The following LPIN2 variants were observed in gnomAD, a reference collection of about 807,000 sequenced individuals.
LPIN2 encodes the protein phosphatidate phosphatase LPIN2.
In LPIN2, 55 loss-of-function variants were observed where a neutral mutation model predicts 111.4. The observed-to-expected ratio is 0.49, with a 90% CI of 0.40 to 0.62. The LOEUF (loss-of-function observed/expected upper bound fraction) is 0.62. Ranked by LOEUF, LPIN2 falls within the 20% of genes least tolerant of loss-of-function variation. The probability of loss-of-function intolerance (pLI) is 0.00; values close to 1 mark genes in which losing one functional copy is unlikely to be tolerated. For synonymous variants in LPIN2, 425 were observed against 414.0 expected, an observed-to-expected ratio of 1.03 and a Z score of -0.32; for missense variants, 992 against 1,112.1, an observed-to-expected ratio of 0.89 and a Z score of 1.54.
chr18:2,976,816 GAC>G (rs1567848836), intron 1 of LPIN2, among the ~76,000 whole-genome samples: 2 of 152,182 alleles, frequency 1.3e-5, no homozygotes, highest in Non-Finnish European at 2.9e-5. Context: ...CCATGGAACA[GAC>G]TGTTCATTAA....
At chr18:2,982,362 T>C (rs1431741958) in intron 1 of LPIN2, among the ~76,000 whole-genome samples, 1 of 152,154 alleles carries the variant, frequency 6.6e-6, no homozygotes. Context: ...TTTTGAAACA[T>C]AATTTTTAAA....
rs116043227 is a variant in LPIN2 at position 2,942,478 on chromosome 18, A to T, written c.591-1766T>A. On this transcript the variant is annotated intron_variant, in intron 4 of 19. Coordinates refer to ENST00000677752, the MANE Select transcript of LPIN2 (RefSeq NM_001375808.2). ...AAAAGTCACACAAATTTCTAACCGG[A>T]ATTTTTATATTACAAATATTTTACT... Among the ~76,000 whole-genome samples, 1,190 of 152,334 alleles carry T rather than the reference A, an allele frequency of 7.8e-3. 19 individuals carry two copies. The highest frequency in any genetic ancestry group is 0.027 in the African/African-American group (1,131 of 41,570).
intron 7 of LPIN2, among the ~76,000 whole-genome samples, chr18:2,935,879 A>G (rs8094703): frequency 0.022 from 3,326 of 152,304 alleles, 130 homozygotes; most frequent in African/African-American, 0.077. Flanking sequence ...TGAGGCCAAA[A>G]GAATAGTAAA....
At chr18:2,956,572 T>A (rs2077620863) in intron 2 of LPIN2, among the ~76,000 whole-genome samples, 1 of 152,196 alleles carries the variant, frequency 6.6e-6, no homozygotes, top group East Asian at 1.9e-4. Flanking sequence ...CAAAAACTGA[T>A]GGGAGCATTT....
intron 1 of LPIN2, among the ~76,000 whole-genome samples, chr18:2,963,528 A>C (rs1598574992): frequency 6.6e-6 from 1 of 152,032 alleles, no homozygotes; most frequent in Admixed American, 6.6e-5. Context: ...CTATTTTATC[A>C]TGAATGATGA....
At position 2,921,652 on chromosome 18, in the gene LPIN2, G is replaced by A; in HGVS notation, c.2328-5C>T. 6.4e-7 allele frequency: 1 copy of A among 1,569,292 alleles called. No individual in the cohort carries two copies. The highest frequency in any genetic ancestry group is 8.8e-7 in the Non-Finnish European group (1 of 1,139,200). ...GGTTTCTTTTCTATCACTTCTCTAA[G>A]AAAAAAATACAAATACAATCACCAA... On this transcript the variant is annotated splice_region_variant and splice_polypyrimidine_tract_variant and intron_variant, in intron 17 of 19. Coordinates refer to ENST00000677752, the MANE Select transcript of LPIN2 (RefSeq NM_001375808.2).
At chr18:2,958,928 C>CAA (rs576986535) in intron 2 of LPIN2, among the ~76,000 whole-genome samples, 2 of 138,274 alleles carry the variant, frequency 1.4e-5, no homozygotes, top group Middle Eastern at 3.6e-3. Context: ...ACAATCTCAG[C>CAA]AAAAAAAAAA....
intron 6 of LPIN2, 134 bp downstream of exon 6, chr18:2,939,346 T>C: frequency 9.4e-7 from 1 of 1,060,482 alleles, no homozygotes; most frequent in Non-Finnish European, 1.4e-6. Flanking sequence ...TGAATTTACT[T>C]TTATGACATG....
In LPIN2 at chr18:2,931,438, G is replaced by A. The variant is rs772737665; in HGVS notation, c.1274C>T (p.Ser425Leu). 37 of 1,583,576 alleles carry A rather than the reference G, an allele frequency of 2.3e-5. No individual in the cohort carries two copies. The highest frequency in any genetic ancestry group is 1.7e-4 in the Middle Eastern group (1 of 5,876). The change falls in exon 9 of 20, where the codon TCG becomes TTG. Residue 425 changes from serine to leucine, a missense_variant. Transcript: ENST00000677752. ...GGGCCACTGCCTGGAACCGGGCTCC[G>A]ATTCACTGTGGACAGGGGATGGGGA... ...VAALYFPKSE[S>L]EPGSRQWPES...
intron 2 of LPIN2, among the ~76,000 whole-genome samples, chr18:2,956,568 C>A (rs138092398): frequency 1.3e-5 from 2 of 152,354 alleles, no homozygotes; most frequent in Non-Finnish European, 2.9e-5. Flanking sequence ...GGTTCAAAAA[C>A]TGATGGGAGC....
intron 1 of LPIN2, chr18:2,990,576 A>C (rs867990526): frequency 6.3e-6 from 1 of 158,402 alleles, no homozygotes; most frequent in African/African-American, 2.4e-5. Flanking sequence ...AATCAAAACC[A>C]CAATGAGATA....
chr18:2,926,969 C>T (rs1458521573), intron 12 of LPIN2, among the ~76,000 whole-genome samples, 164 bp from the exon 13 acceptor site: 6 of 152,232 alleles, frequency 3.9e-5, no homozygotes, highest in Non-Finnish European at 8.8e-5. Flanking sequence ...GAATTAGAAA[C>T]CTAAGACAGA....
intron 1 of LPIN2, among the ~76,000 whole-genome samples, chr18:2,968,962 G>A (rs973474737): frequency 2.0e-5 from 3 of 152,162 alleles, no homozygotes; most frequent in Admixed American, 6.5e-5. Context: ...GACACACACA[G>A]GGAGCTGAGA....
At position 3,012,866 on chromosome 18, in the gene LPIN2, C is replaced by T. The variant is rs539942576; in HGVS notation, c.-10+221G>A. On this transcript the variant is annotated intron_variant, in intron 1 of 19. Transcript: ENST00000677752. The stretch of plus-strand genomic sequence containing the variant: ...CCTGCGGCGGCGGCGGTAGGGGCCG[C>T]GTCTACGTGGCGCGGTCGCGGCGAG... 1.4e-4 allele frequency among the ~76,000 whole-genome samples: 22 copies of T among 151,760 alleles called. No homozygotes were observed. The South Asian group carries it at 4.1e-3, about 29-fold the overall frequency.
At chr18:3,005,483 T>C (rs1275045025) in intron 1 of LPIN2, among the ~76,000 whole-genome samples, 1 of 151,754 alleles carries the variant, frequency 6.6e-6, no homozygotes, top group Non-Finnish European at 1.5e-5. Flanking sequence ...TTTCAGATCT[T>C]CCTCAGCTGA....
intron 9 of LPIN2, among the ~76,000 whole-genome samples, chr18:2,929,559 T>C (rs2077185593): frequency 6.6e-6 from 1 of 152,148 alleles, no homozygotes; most frequent in Non-Finnish European, 1.5e-5. Flanking sequence ...AACTGGGGAA[T>C]ATTCATAGGG....
intron 1 of LPIN2, among the ~76,000 whole-genome samples, chr18:2,972,042 A>G (rs775483456): frequency 3.3e-5 from 5 of 152,270 alleles, no homozygotes; most frequent in Non-Finnish European, 5.9e-5. Flanking sequence ...GTGAAACTCC[A>G]TATCAAAAAC....
intron 1 of LPIN2, chr18:3,011,962 A>G (rs1018715504): frequency 1.3e-5 from 2 of 152,242 alleles, no homozygotes; most frequent in African/African-American, 2.4e-5. Context: ...TGAAGCCACT[A>G]AGAACGATCA....
intron 4 of LPIN2, among the ~76,000 whole-genome samples, chr18:2,949,033 C>G (rs2077496705): frequency 6.6e-6 from 1 of 152,142 alleles, no homozygotes; most frequent in African/African-American, 2.4e-5. Flanking sequence ...CAACTCCTGA[C>G]CTCAGGTGAT....
Sources: gnomAD v4.1 joint callset for allele counts (sites outside exome capture counted in the v4.1 genomes callset) on GRCh38, gnomAD v4.1.1 for gene constraint, MANE v1.5 for transcripts, NCBI Gene and HGNC (gene_info 2026-07-23, HGNC 2026-07-21) for gene names.